KATNIP: variants seen among roughly 807,000 people sequenced by gnomAD.
KATNIP encodes katanin interacting protein.
Under a neutral mutation model 174.0 loss-of-function variants are expected in KATNIP, and 126 were observed. The observed-to-expected ratio is 0.72, with a 90% CI of 0.63 to 0.84. KATNIP has a LOEUF of 0.84. Ranked by LOEUF, KATNIP falls within the 40% of genes least tolerant of loss-of-function variation. The pLI, the probability that KATNIP is intolerant of heterozygous loss-of-function variation, is 0.00. For synonymous variants in KATNIP, 810 were observed against 835.7 expected (o/e 0.97, Z 0.53); for missense variants, 1,958 against 2,109.7 (o/e 0.93, Z 1.41).
At chr16:27,724,142 C>T (rs551158160) in intron 14 of KATNIP, among the ~76,000 whole-genome samples, 1 of 152,288 alleles carries the variant, frequency 6.6e-6, no homozygotes, top group East Asian at 1.9e-4. Flanking sequence ...CAGCCCTGGC[C>T]TCTTGTGTGC....
Position 27,627,950 on chromosome 16 carries a change from G to A in KATNIP, c.141-711G>A, listed in dbSNP as rs77712797. The stretch of plus-strand genomic sequence containing the variant: ...GGATTGGGTAAAGGACCAGGCCCAA[G>A]GTGTAAGGATGGGCTTCAGTGAAAG... On this transcript the variant is annotated intron_variant, in intron 3 of 27. Coordinates refer to ENST00000261588, the MANE Select transcript of KATNIP (RefSeq NM_015202.5). Among the ~76,000 whole-genome samples the A allele has an allele frequency of 3.8e-3, 576 of 152,312 alleles. 2 individuals are homozygous for A. Among genetic ancestry groups the A allele is most frequent in the Non-Finnish European group, 6.4e-3 (438 of 68,030 alleles).
intron 12 of KATNIP, among the ~76,000 whole-genome samples, chr16:27,708,024 C>CTTTTTTTT (rs34070705): frequency 7.1e-6 from 1 of 140,592 alleles, no homozygotes; most frequent in Non-Finnish European, 1.6e-5. Context: ...AGCCCGTAAC[C>CTTTTTTTT]TTTTTTTTTT....
chr16:27,659,564 TTATTA>T (rs2077403684), intron 6 of KATNIP, among the ~76,000 whole-genome samples: 1 of 152,068 alleles, frequency 6.6e-6, no homozygotes, highest in Non-Finnish European at 1.5e-5. Context: ...TTTTGCATTG[TTATTA>T]TATTAAGACA....
At chr16:27,598,948 T>G (rs377563052) in intron 2 of KATNIP, among the ~76,000 whole-genome samples, 1 of 152,306 alleles carries the variant, frequency 6.6e-6, no homozygotes, top group East Asian at 1.9e-4. Context: ...TCTTTGCACC[T>G]TTGCCATTAA....
At chr16:27,646,351 T>A (rs1465796488) in intron 5 of KATNIP, among the ~76,000 whole-genome samples, 2 of 152,162 alleles carry the variant, frequency 1.3e-5, no homozygotes, top group African/African-American at 4.8e-5. Flanking sequence ...TTCCCACGGC[T>A]CTAACAGGAA....
intron 3 of KATNIP, among the ~76,000 whole-genome samples, chr16:27,620,155 A>C (rs1243296518): frequency 6.6e-6 from 1 of 152,212 alleles, no homozygotes; most frequent in Non-Finnish European, 1.5e-5. Flanking sequence ...CACAAAGACA[A>C]TTAAAAGCTA....
At position 27,766,446 on chromosome 16, in the gene KATNIP, A is replaced by G. The variant is rs745928767; in HGVS notation, c.3947A>G (p.Asn1316Ser). The G allele has an allele frequency of 4.3e-6, 7 of 1,613,590 alleles. No homozygotes were observed. The highest frequency in any genetic ancestry group is 3.3e-5 in the South Asian group (3 of 91,074). Residue 1316 changes from asparagine (N) to serine (S), a missense_variant, in exon 20 of 28, where the codon AAT (asparagine) becomes AGT (serine). Physicochemically the swap from Asn to Ser is conservative, Grantham distance 46. Coordinates refer to ENST00000261588, the MANE Select transcript of KATNIP (RefSeq NM_015202.5). The part of the protein sequence containing the change: ...SIAGLRFWNY[N>S]KSPEDTYRGA... The stretch of plus-strand genomic sequence containing the variant: ...GCAGGCCTGCGCTTCTGGAACTACA[A>G]TAAATCTCCCGAGGACACCTATCGC...
At chr16:27,649,476 G>A (rs2077057735) in intron 6 of KATNIP, among the ~76,000 whole-genome samples, 1 of 152,178 alleles carries the variant, frequency 6.6e-6, no homozygotes, top group African/African-American at 2.4e-5. Context: ...CTGAAGAGGT[G>A]CCTATACTTT....
intron 13 of KATNIP, among the ~76,000 whole-genome samples, chr16:27,713,487 C>A (rs901099299): frequency 2.6e-5 from 4 of 151,366 alleles, no homozygotes; most frequent in African/African-American, 9.7e-5. Context: ...ACCTATAATC[C>A]CAGCACACTT....
chr16:27,680,586 G>A (rs1229638449), intron 7 of KATNIP, among the ~76,000 whole-genome samples: 5 of 152,168 alleles, frequency 3.3e-5, no homozygotes, highest in Admixed American at 3.3e-4. Flanking sequence ...AAGTGCAGTG[G>A]CACTATCATA....
intron 6 of KATNIP, among the ~76,000 whole-genome samples, chr16:27,673,621 C>G (rs1196750755): frequency 6.6e-6 from 1 of 152,136 alleles, no homozygotes; most frequent in African/African-American, 2.4e-5. Context: ...TTAGCAGCAT[C>G]CCTGGTGTCC....
intron 9 of KATNIP, 70 bp from the exon 10 acceptor site, chr16:27,699,464 A>C (rs2079023876): frequency 6.3e-7 from 1 of 1,598,154 alleles, no homozygotes; most frequent in African/African-American, 1.3e-5. Flanking sequence ...CTGTGCCCTC[A>C]TCTTTCTGTG....
At chr16:27,680,132 A>C (rs981739603) in intron 7 of KATNIP, among the ~76,000 whole-genome samples, 1 of 151,226 alleles carries the variant, frequency 6.6e-6, no homozygotes, top group Non-Finnish European at 1.5e-5. Flanking sequence ...CTCCCCACCC[A>C]CCAGCCTGTG....
intron 14 of KATNIP, among the ~76,000 whole-genome samples, chr16:27,726,493 G>T (rs1408208437): frequency 6.6e-6 from 1 of 152,176 alleles, no homozygotes; most frequent in Non-Finnish European, 1.5e-5. Context: ...TTAGTTTTAA[G>T]TAGCCACACG....
intron 16 of KATNIP, among the ~76,000 whole-genome samples, chr16:27,750,595 ATTT>A (rs572859532): frequency 3.9e-5 from 4 of 103,504 alleles, no homozygotes; most frequent in African/African-American, 3.5e-5. Flanking sequence ...AATTTTTTGT[ATTT>A]TTTTTTTTTT....
At chr16:27,659,735 T>C (rs916688816) in intron 6 of KATNIP, among the ~76,000 whole-genome samples, 2 of 152,044 alleles carry the variant, frequency 1.3e-5, no homozygotes, top group African/African-American at 4.8e-5. Context: ...TGAAAAAATA[T>C]GCTAAAATGC....
At chr16:27,574,144 A>C (rs2090404976) in intron 2 of KATNIP, 188 bp downstream of exon 2, 1 of 588,340 alleles carries the variant, frequency 1.7e-6, no homozygotes. Flanking sequence ...ATCACTTGTA[A>C]TAATCACTTG....
intron 6 of KATNIP, among the ~76,000 whole-genome samples, chr16:27,653,656 CTT>C (rs869309905): frequency 6.9e-6 from 1 of 144,746 alleles, no homozygotes; most frequent in African/African-American, 2.5e-5. Context: ...GATTTTCCCA[CTT>C]TTTTTTTTTT....
At chr16:27,703,248 C>T (rs921781663) in intron 11 of KATNIP, among the ~76,000 whole-genome samples, 1 of 152,134 alleles carries the variant, frequency 6.6e-6, no homozygotes, top group African/African-American at 2.4e-5. Flanking sequence ...AAGCAGCATG[C>T]ACTCCGCCAA....
Sources: allele counts gnomAD v4.1 joint callset (sites outside exome capture counted in the v4.1 genomes callset), GRCh38; gene constraint gnomAD v4.1.1; transcripts MANE v1.5; gene names NCBI Gene and HGNC (gene_info 2026-07-23, HGNC 2026-07-21).